The following MYO1B variants were observed in gnomAD, a reference collection of about 807,000 sequenced individuals.
The protein encoded by MYO1B is myosin IB.
In MYO1B, 72 loss-of-function variants were observed where a neutral mutation model predicts 159.7. That is an observed-to-expected ratio of 0.45 (90% CI 0.37 to 0.55). The LOEUF (loss-of-function observed/expected upper bound fraction) is 0.55, where lower values mean the gene tolerates loss of function less well. Among genes scored for constraint, MYO1B ranks in the 20% least tolerant of loss-of-function variants. The probability of loss-of-function intolerance (pLI) is 0.00; values close to 1 mark genes in which losing one functional copy is unlikely to be tolerated. For synonymous variants in MYO1B, 468 were observed against 473.8 expected, an observed-to-expected ratio of 0.99 and a Z score of 0.16; for missense variants, 1,062 against 1,364.8, an observed-to-expected ratio of 0.78 and a Z score of 3.50.
chr2:191,358,060 G>T (rs1247777859), intron 7 of MYO1B, among the ~76,000 whole-genome samples: 2 of 152,128 alleles, frequency 1.3e-5, no homozygotes, highest in Non-Finnish European at 2.9e-5. Context: ...GCGAATTCAT[G>T]TATTTATACA....
intron 1 of MYO1B, among the ~76,000 whole-genome samples, chr2:191,265,121 G>A (rs988767148): frequency 6.6e-6 from 1 of 151,730 alleles, no homozygotes; most frequent in African/African-American, 2.4e-5. Context: ...AACAAGAATA[G>A]TGCACTAAAT....
intron 5 of MYO1B, among the ~76,000 whole-genome samples, chr2:191,344,225 T>C (rs1260124713): frequency 1.3e-5 from 2 of 152,196 alleles, no homozygotes; most frequent in Non-Finnish European, 2.9e-5. Context: ...ACAAGAAATG[T>C]CATCGTCTTC....
intron 3 of MYO1B, among the ~76,000 whole-genome samples, chr2:191,308,347 G>A (rs112866717): frequency 1.3e-5 from 2 of 152,272 alleles, no homozygotes; most frequent in African/African-American, 4.8e-5. Flanking sequence ...AGCTTGTCCT[G>A]AAATACTCGA....
At chr2:191,292,586 G>A (rs1195506135) in intron 2 of MYO1B, among the ~76,000 whole-genome samples, 1 of 152,156 alleles carries the variant, frequency 6.6e-6, no homozygotes, top group Non-Finnish European at 1.5e-5. Context: ...ACAATAGATT[G>A]TAAATGTTTC....
chr2:191,377,359 A>G (rs1271612835), intron 13 of MYO1B, among the ~76,000 whole-genome samples: 2 of 152,198 alleles, frequency 1.3e-5, no homozygotes, highest in Non-Finnish European at 2.9e-5. Flanking sequence ...CAGTAGAGAA[A>G]AATTGCATAC....
At chr2:191,364,824 G>A (rs1559204166) in intron 11 of MYO1B, among the ~76,000 whole-genome samples, 2 of 150,378 alleles carry the variant, frequency 1.3e-5, no homozygotes, top group African/African-American at 5.0e-5. Context: ...ATTATTAGAG[G>A]GTAGAGGCTA....
intron 29 of MYO1B, 146 bp downstream of exon 29, chr2:191,414,815 C>T: frequency 1.3e-6 from 1 of 741,044 alleles, no homozygotes; most frequent in Non-Finnish European, 2.0e-6. Flanking sequence ...AAATCTCCGA[C>T]TCAGTTTTTC....
intron 13 of MYO1B, among the ~76,000 whole-genome samples, chr2:191,375,786 C>A (rs957500234): frequency 3.3e-5 from 5 of 151,862 alleles, no homozygotes; most frequent in African/African-American, 1.2e-4. Context: ...TGGTGAAACC[C>A]CGTCTCTACT....
At chr2:191,383,682 C>T (rs1472722578) in intron 15 of MYO1B, among the ~76,000 whole-genome samples, 5 of 151,606 alleles carry the variant, frequency 3.3e-5, no homozygotes, top group Non-Finnish European at 5.9e-5. Flanking sequence ...GTGGCCATAT[C>T]ACAACACCCT....
rs1695372461 is a variant in MYO1B, at chr2:191,385,876, T to C, written c.1354-8T>C. 2 of 1,612,960 alleles carry C rather than the reference T, an allele frequency of 1.2e-6. No homozygotes were observed. The highest frequency in any genetic ancestry group is 1.7e-6 in the Non-Finnish European group (2 of 1,179,420). ...AGGAAGGAAACTTTTTTATTTCCGT[T>C]TTCCCAGAACACAAATGGAATCCTG... is the stretch of plus-strand genomic sequence containing the variant. On this transcript the variant is annotated splice_region_variant and splice_polypyrimidine_tract_variant and intron_variant, in intron 15 of 30. Transcript: ENST00000392318.
intron 1 of MYO1B, among the ~76,000 whole-genome samples, chr2:191,269,908 T>G (rs977210605): frequency 7.3e-6 from 1 of 137,260 alleles, no homozygotes; most frequent in African/African-American, 3.7e-5. Flanking sequence ...AAGATTTTTC[T>G]TGTTTTGTTT....
intron 23 of MYO1B, 110 bp downstream of exon 23, chr2:191,400,945 G>A (rs1196803768): frequency 3.9e-6 from 4 of 1,035,016 alleles, no homozygotes; most frequent in East Asian, 2.6e-5. Flanking sequence ...GCTCACACTG[G>A]TGCATGTCCT....
intron 8 of MYO1B, 39 bp downstream of exon 8, chr2:191,360,768 G>GTTGTTA (rs1409492171): frequency 1.5e-6 from 2 of 1,297,640 alleles, no homozygotes; most frequent in Non-Finnish European, 2.2e-6. Flanking sequence ...TGTTGTTGTT[G>GTTGTTA]TTGTTGTTGT....
Position 191,416,246 on chromosome 2 carries a change from C to T in MYO1B, c.3287+4C>T, listed in dbSNP as rs376291566. On this transcript the variant is annotated splice_donor_region_variant and intron_variant, in intron 30 of 30. Transcript: ENST00000392318. Reference sequence around the variant, plus strand: ...TCAATATTGAGATTTCCGATGAGTACGTTCATGTATTGTTTGAAAACCCTT... The same window carrying T: ...TCAATATTGAGATTTCCGATGAGTATGTTCATGTATTGTTTGAAAACCCTT... The T allele has an allele frequency of 1.2e-5, 20 of 1,613,960 alleles. No homozygotes were observed. The highest frequency in any genetic ancestry group is 9.3e-5 in the African/African-American group (7 of 74,900).
chr2:191,387,394 G>A lies in MYO1B; in HGVS notation c.1725G>A (p.Lys575=). Residue 575 remains lysine (K), a synonymous_variant, in exon 17 of 31, where the codon AAG becomes AAA. Transcript: ENST00000392318. ...CTCCTACAGCAGGCTCACAGTTCAA[G>A]GCATCCGTGGCCACTCTGATGAAAA... ...KRPPTAGSQF[K]ASVATLMKNL... 1 of 1,614,154 alleles carries A rather than the reference G, an allele frequency of 6.2e-7. No homozygotes were observed. Among genetic ancestry groups the A allele is most frequent in the Non-Finnish European group, 8.5e-7 (1 of 1,180,026 alleles).
intron 3 of MYO1B, among the ~76,000 whole-genome samples, chr2:191,310,496 C>T (rs570377481): frequency 6.6e-6 from 1 of 152,230 alleles, no homozygotes; most frequent in Non-Finnish European, 1.5e-5. Flanking sequence ...AGCCACCACG[C>T]CCGACCTGAA....
chr2:191,351,188 T>TAA lies in MYO1B; in HGVS notation c.562+977_562+978dup, dbSNP rs78654761. ...GAATGAAAAAATTTATGTTTAGACC[T>TAA]AAAAAAAAAAAAAAAGAAAGTTGAC... On this transcript the variant is annotated intron_variant, in intron 7 of 30. Coordinates refer to ENST00000392318, the MANE Select transcript of MYO1B (RefSeq NM_001130158.3). Among the ~76,000 whole-genome samples, 112 of 139,552 alleles carry TAA rather than the reference T, an allele frequency of 8.0e-4. 1 individual carries two copies. The East Asian group carries it at 0.013, about 17-fold the overall frequency. 91.6% of individuals were successfully genotyped at this position (139,552 alleles called of 152,430 possible). A position where few individuals can be genotyped will look rare whatever the true frequency, so the allele number is the denominator to read the frequency against.
chr2:191,325,817 A>G (rs541693260), intron 3 of MYO1B, among the ~76,000 whole-genome samples: 2 of 152,116 alleles, frequency 1.3e-5, no homozygotes, highest in Non-Finnish European at 2.9e-5. Context: ...GTGAACATGC[A>G]ACCCAGCATT....
chr2:191,346,647 G>A (rs1010402674), intron 6 of MYO1B, among the ~76,000 whole-genome samples: 1 of 152,140 alleles, frequency 6.6e-6, no homozygotes, highest in East Asian at 1.9e-4. Flanking sequence ...AGGGTGCACC[G>A]TAACCCTTGT....
Sources: gnomAD v4.1 joint callset for allele counts (sites outside exome capture counted in the v4.1 genomes callset) on GRCh38, gnomAD v4.1.1 for gene constraint, MANE v1.5 for transcripts, NCBI Gene and HGNC (gene_info 2026-07-23, HGNC 2026-07-21) for gene names.